The following KIF1A variants were observed in gnomAD, a reference collection of about 807,000 sequenced individuals.
The protein encoded by KIF1A is kinesin family member 1A, also known as kinesin-like protein KIF1A.
In KIF1A, 46 loss-of-function variants were observed where a neutral mutation model predicts 227.3. That is an observed-to-expected ratio of 0.20 (90% CI 0.16 to 0.26). KIF1A has a LOEUF of 0.26. Ranked by LOEUF, KIF1A falls within the 10% of genes least tolerant of loss-of-function variation. The pLI, the probability that KIF1A is intolerant of heterozygous loss-of-function variation, is 1.00. For missense variants in KIF1A, 1,683 were observed against 2,485.9 expected, an observed-to-expected ratio of 0.68 and a Z score of 6.87; for synonymous variants, 1,022 against 1,012.8, an observed-to-expected ratio of 1.01 and a Z score of -0.17.
At chr2:240,780,611 C>T (rs533696489) in intron 10 of KIF1A, among the ~76,000 whole-genome samples, 37 of 151,982 alleles carry the variant, frequency 2.4e-4, no homozygotes, top group Non-Finnish European at 3.8e-4. Flanking sequence ...CCCGGCACCA[C>T]GCACAGCTCA....
In KIF1A at chr2:240,719,091, C is replaced by T. The variant is rs777880479; in HGVS notation, c.5129G>A (p.Ser1710Asn). The T allele has an allele frequency of 1.2e-6, 2 of 1,612,738 alleles. No homozygotes were observed. Among genetic ancestry groups the T allele is most frequent in the East Asian group, 4.5e-5 (2 of 44,868 alleles). Residue 1710 changes from serine (S) to asparagine (N), a missense_variant, in exon 47 of 49, where the codon AGC becomes AAC. Transcript: ENST00000498729. ...VRRPYAYMYN[S>N]DKDTVERFVL... is the part of the protein sequence containing the mutation. ...GAACCGCTCCACGGTGTCCTTGTCG[C>T]TGTTGTACATGTAGGCATAGGGGCG...
At chr2:240,767,206 C>T in intron 18 of KIF1A, 60 bp downstream of exon 18, 1 of 1,440,004 alleles carries the variant, frequency 6.9e-7, no homozygotes, top group South Asian at 1.2e-5. Flanking sequence ...GGAGTCCAGC[C>T]TTCCCCTGCC....
intron 1 of KIF1A, among the ~76,000 whole-genome samples, chr2:240,803,424 C>T (rs987824567): frequency 6.6e-6 from 1 of 152,200 alleles, no homozygotes; most frequent in African/African-American, 2.4e-5. Context: ...CCCAGGCTTC[C>T]ACTCTTGTGA....
At chr2:240,818,654 G>A (rs776913138) in intron 1 of KIF1A, 1 of 152,612 alleles carries the variant, frequency 6.6e-6, no homozygotes, top group Non-Finnish European at 1.5e-5. Flanking sequence ...GGACCCCAGA[G>A]CTTCCCTTCA....
chr2:240,718,885 G>A (rs1559472573), intron 47 of KIF1A, 121 bp downstream of exon 47: 2 of 777,522 alleles, frequency 2.6e-6, no homozygotes, highest in Admixed American at 5.2e-5. Flanking sequence ...CGTGGAACAG[G>A]ACGGAGTCTG....
At position 240,716,901 on chromosome 2, in the gene KIF1A, C is replaced by CA. The variant is rs2044641544; in HGVS notation, c.*462dup. The CA allele has an allele frequency of 6.5e-6, 1 of 153,808 alleles. No homozygotes were observed. Among genetic ancestry groups the CA allele is most frequent in the Non-Finnish European group, 1.4e-5 (1 of 69,024 alleles). The allele number at this position is 153,808 out of a possible 1,614,324, so 9.5% of individuals were successfully genotyped here. ...CAGGCTTGGGAGACACATGTGGGAA[C>CA]AAACAGGGTGGAGGTGGTTGGGGGT... On this transcript the variant is annotated 3_prime_UTR_variant, in exon 49 of 49. Transcript: ENST00000498729.
intron 1 of KIF1A, among the ~76,000 whole-genome samples, chr2:240,804,946 CCAAA>C (rs1188058480): frequency 2.0e-5 from 3 of 151,022 alleles, no homozygotes; most frequent in African/African-American, 7.3e-5. Context: ...TGAAATATTA[CCAAA>C]CACTGGGAGA....
intron 1 of KIF1A, among the ~76,000 whole-genome samples, chr2:240,799,640 C>T (rs1054606782): frequency 6.6e-6 from 1 of 152,156 alleles, no homozygotes; most frequent in African/African-American, 2.4e-5. Context: ...AATCCCTGCA[C>T]TTTTAAAACT....
rs759275339 is a variant in KIF1A at position 240,725,250 on chromosome 2, T to C, written c.4256+21A>G. The C allele has an allele frequency of 6.3e-7, 1 of 1,582,660 alleles. No homozygotes were observed. The highest frequency in any genetic ancestry group is 8.6e-7 in the Non-Finnish European group (1 of 1,165,288). On this transcript the variant is annotated intron_variant, in intron 40 of 48. Transcript: ENST00000498729. This position sits in a 1 kb window ranked among gnomAD's most constrained non-coding sequence, Gnocchi z 5.8. ...GAGACCAGGGTGGGAGTCCATGTGG[T>C]CCTCACCCCTGGGAGCTTACCTCTC...
chr2:240,764,253 C>T (rs1394509880), intron 20 of KIF1A, among the ~76,000 whole-genome samples: 1 of 152,170 alleles, frequency 6.6e-6, no homozygotes, highest in East Asian at 1.9e-4. Flanking sequence ...AGGCCGTATG[C>T]AGCCCACCTC....
At position 240,793,767 on chromosome 2, in the gene KIF1A, C is replaced by G. The variant is rs145194809; in HGVS notation, c.106+3880G>C. Among the ~76,000 whole-genome samples, 1 of 152,194 alleles carries G rather than the reference C, an allele frequency of 6.6e-6. No individual in the cohort carries two copies. Among genetic ancestry groups the G allele is most frequent in the Non-Finnish European group, 1.5e-5 (1 of 68,036 alleles). ...TACTTTCAAATGCTTCCAATTTCTG[C>G]GTCACAGCGGAGCTACAAGGCACGC... On this transcript the variant is annotated intron_variant, in intron 2 of 48. Transcript: ENST00000498729. The surrounding 1 kb of genome is among the most constrained non-coding windows in gnomAD (Gnocchi z 4.8).
chr2:240,739,819 T>C lies in KIF1A; in HGVS notation c.3901+239A>G, dbSNP rs2047745404. Among the ~76,000 whole-genome samples, 1 of 152,184 alleles carries C rather than the reference T, an allele frequency of 6.6e-6. No homozygotes were observed. Among genetic ancestry groups the C allele is most frequent in the East Asian group, 1.9e-4 (1 of 5,196 alleles). The stretch of plus-strand genomic sequence containing the variant: ...AAGCTACCTGGTTTGTGGTATTTTG[T>C]CATGGCAGCCCCAGAACTCCAATAC... On this transcript the variant is annotated intron_variant, in intron 37 of 48. Coordinates refer to ENST00000498729, the MANE Select transcript of KIF1A (RefSeq NM_001244008.2). This position sits in a 1 kb window ranked among gnomAD's most constrained non-coding sequence, Gnocchi z 5.6.
chr2:240,731,190 G>A (rs1248188055), intron 38 of KIF1A, among the ~76,000 whole-genome samples: 1 of 152,182 alleles, frequency 6.6e-6, no homozygotes, highest in East Asian at 1.9e-4. Context: ...CCTGGAGGAG[G>A]GCCCACTGCA....
At position 240,719,898 on chromosome 2, in the gene KIF1A, T is replaced by C. The variant is rs896301370; in HGVS notation, c.4897A>G (p.Ser1633Gly). ...TCTGGCAGCAGCTCGGGCTCTGGGCTGGCTGGCCGGGAGCAGGGCTGCGGG... is the reference window on the plus strand; with the variant it reads ...TCTGGCAGCAGCTCGGGCTCTGGGCCGGCTGGCCGGGAGCAGGGCTGCGGG... ...RTPQPCSRPA[S>G]PEPELLPEAD... The change falls in exon 46 of 49, where the codon AGC becomes GGC. Residue 1633 changes from serine to glycine, a missense_variant. Coordinates refer to ENST00000498729, the MANE Select transcript of KIF1A (RefSeq NM_001244008.2). 6.2e-7 allele frequency: 1 copy of C among 1,611,084 alleles called. No homozygotes were observed. Among genetic ancestry groups the C allele is most frequent in the African/African-American group, 1.3e-5 (1 of 74,856 alleles).
chr2:240,763,488 C>T, intron 20 of KIF1A, 142 bp from the exon 21 acceptor site: 1 of 755,178 alleles, frequency 1.3e-6, no homozygotes, highest in South Asian at 1.9e-5. Flanking sequence ...TTCTTCAGCC[C>T]TCGCTGGGAC....
chr2:240,742,984 G>T lies in KIF1A; in HGVS notation c.3585C>A (p.Ser1195Arg). 6.2e-7 allele frequency: 1 copy of T among 1,608,634 alleles called. No homozygotes were observed. Among genetic ancestry groups the T allele is most frequent in the Non-Finnish European group, 8.5e-7 (1 of 1,177,080 alleles). ...PFPPLCKDVL[S>R]PLRPSRRHFP... ...AGTGGCGGCGCGAGGGCCTCAGGGGGCTGTGGAGAAAGGACCAGTGTGAGG... is the reference window on the plus strand; with the variant it reads ...AGTGGCGGCGCGAGGGCCTCAGGGGTCTGTGGAGAAAGGACCAGTGTGAGG... Residue 1195 changes from serine to arginine, a missense_variant and splice_region_variant, in exon 34 of 49, where the codon AGC becomes AGA. By Grantham distance (110) the Ser-to-Arg change is moderately radical. Around this residue, in one of 12 missense-constraint regions of KIF1A, gnomAD observed 759 missense variants for 1,020.2 expected, o/e 0.74. Transcript: ENST00000498729.
At chr2:240,772,524 T>G in intron 14 of KIF1A, 46 bp downstream of exon 14, 2 of 1,522,894 alleles carry the variant, frequency 1.3e-6, no homozygotes, top group Non-Finnish European at 1.8e-6. Context: ...TCATGCTGGC[T>G]GGGGCTGGAA....
intron 13 of KIF1A, 94 bp from the exon 14 acceptor site, chr2:240,772,690 G>C: frequency 9.5e-7 from 1 of 1,050,982 alleles, no homozygotes; most frequent in South Asian, 1.5e-5. Context: ...TCACAGGCCA[G>C]GGTGGCCAGC....
intron 23 of KIF1A, among the ~76,000 whole-genome samples, chr2:240,762,416 C>T (rs1198192794): frequency 6.6e-6 from 1 of 152,234 alleles, no homozygotes; most frequent in Non-Finnish European, 1.5e-5. Flanking sequence ...CATCCAGCCA[C>T]TCCTGTTAGA....
Sources: allele counts gnomAD v4.1 joint callset (sites outside exome capture counted in the v4.1 genomes callset), GRCh38; gene constraint gnomAD v4.1.1; regional missense constraint gnomAD v4.1.1; non-coding constraint Gnocchi (gnomAD v3.1); transcripts MANE v1.5; gene names NCBI Gene and HGNC (gene_info 2026-07-23, HGNC 2026-07-21).